MAP1B: variants seen among roughly 807,000 people sequenced by gnomAD.
MAP1B encodes microtubule associated protein 1B.
MAP1B carries 12 observed loss-of-function variants against 176.1 expected under a neutral mutation model. The ratio of observed to expected loss-of-function variants is 0.07; its 90% CI spans 0.04 to 0.11. The LOEUF (loss-of-function observed/expected upper bound fraction) is 0.11. Ranked by LOEUF, MAP1B falls within the 10% of genes least tolerant of loss-of-function variation. The pLI is 1.00. For missense variants in MAP1B, 2,523 were observed against 2,990.5 expected, an observed-to-expected ratio of 0.84 and a Z score of 3.65; for synonymous variants, 1,044 against 1,135.0, an observed-to-expected ratio of 0.92 and a Z score of 1.61.
intron 2 of MAP1B, among the ~76,000 whole-genome samples, chr5:72,141,470 C>G (rs1579992122): frequency 1.3e-5 from 2 of 152,360 alleles, no homozygotes; most frequent in South Asian, 2.1e-4. Flanking sequence ...AGCCCTGTCT[C>G]TGGACTGAAT....
chr5:72,172,974 T>C (rs74721700), intron 2 of MAP1B, among the ~76,000 whole-genome samples: 5,837 of 152,234 alleles, frequency 0.038, 216 homozygotes, highest in African/African-American at 0.084. Context: ...TAGAATAGCT[T>C]ATTAGTTGAA....
At chr5:72,116,467 A>G (rs770883077) in intron 2 of MAP1B, 1 of 417,354 alleles carries the variant, frequency 2.4e-6, no homozygotes, top group Non-Finnish European at 4.6e-6. Context: ...AGGATGCAAA[A>G]ATTTGTCATA....
chr5:72,181,638 G>C (rs1167682916), intron 2 of MAP1B, among the ~76,000 whole-genome samples: 6 of 151,766 alleles, frequency 4.0e-5, no homozygotes, highest in Non-Finnish European at 5.9e-5. Context: ...GCTCACTGCA[G>C]CCTCGACCTT....
chr5:72,159,927 G>T (rs3098388), intron 2 of MAP1B, among the ~76,000 whole-genome samples: 2,048 of 152,048 alleles, frequency 0.013, 56 homozygotes, highest in African/African-American at 0.046. Flanking sequence ...TAAAGAGTGG[G>T]GGCTTCATCA....
chr5:72,138,625 C>T (rs1340914517), intron 2 of MAP1B, among the ~76,000 whole-genome samples: 1 of 152,164 alleles, frequency 6.6e-6, no homozygotes, highest in Non-Finnish European at 1.5e-5. Flanking sequence ...ACCTGAAGTT[C>T]TCAACAATAG....
chr5:72,157,175 C>A (rs989847871), intron 2 of MAP1B, among the ~76,000 whole-genome samples: 5 of 152,242 alleles, frequency 3.3e-5, no homozygotes, highest in Non-Finnish European at 7.4e-5. Flanking sequence ...CAGTGCATTT[C>A]TTTTATATCT....
At chr5:72,152,520 C>T (rs900824679) in intron 2 of MAP1B, among the ~76,000 whole-genome samples, 1 of 152,160 alleles carries the variant, frequency 6.6e-6, no homozygotes, top group African/African-American at 2.4e-5. Flanking sequence ...AATCTCGGCC[C>T]ACTGCAACCT....
chr5:72,125,260 CA>C (rs1392642935), intron 2 of MAP1B, among the ~76,000 whole-genome samples: 1 of 152,104 alleles, frequency 6.6e-6, no homozygotes, highest in Admixed American at 6.5e-5. Context: ...GAAGTTCCAG[CA>C]GCCCCACAAG....
Position 72,208,707 on chromosome 5 carries a change from A to G in MAP1B, c.*3468A>G, listed in dbSNP as rs1180595859. ...TTATGCAGTCTAGGAGCTTTCCAATACTCATTTAATTAAGATTTAATCATT... is the reference window on the plus strand; with the variant it reads ...TTATGCAGTCTAGGAGCTTTCCAATGCTCATTTAATTAAGATTTAATCATT... On this transcript the variant is annotated 3_prime_UTR_variant, in exon 7 of 7. Coordinates refer to ENST00000296755, the MANE Select transcript of MAP1B (RefSeq NM_005909.5). 6.6e-6 allele frequency: 1 copy of G among 152,034 alleles called. No individual in the cohort carries two copies. Among genetic ancestry groups the G allele is most frequent in the Non-Finnish European group, 1.5e-5 (1 of 68,020 alleles). 9.4% of individuals were successfully genotyped at this position (152,034 alleles called of 1,614,324 possible). A position where few individuals can be genotyped will look rare whatever the true frequency, so the allele number is the denominator to read the frequency against.
intron 2 of MAP1B, among the ~76,000 whole-genome samples, chr5:72,166,904 G>A (rs1292550628): frequency 6.6e-6 from 1 of 152,192 alleles, no homozygotes; most frequent in African/African-American, 2.4e-5. Flanking sequence ...GGGCAGGACG[G>A]GGCAGTCCAG....
At position 72,198,483 on chromosome 5, in the gene MAP1B, T is replaced by C. The variant is rs747229477; in HGVS notation, c.5128T>C (p.Ser1710Pro). The change falls in exon 5 of 7, where the codon TCC becomes CCC. Residue 1710 changes from serine to proline, a missense_variant. Ser to Pro is a moderately conservative substitution (Grantham distance 74). Around this residue, in one of 4 missense-constraint regions of MAP1B, gnomAD observed 1,925 missense variants for 2,126.0 expected, o/e 0.91. Transcript: ENST00000296755. ...TAAGATACCACCTATGGAGGAGCCGTCCTACACCCAAGATAATGATCTTTC... is the reference window on the plus strand; with the variant it reads ...TAAGATACCACCTATGGAGGAGCCGCCCTACACCCAAGATAATGATCTTTC... ...SHKIPPMEEP[S>P]YTQDNDLSEL... 24 of 1,613,846 alleles carry C rather than the reference T, an allele frequency of 1.5e-5. No homozygotes were observed. In the East Asian group the frequency reaches 5.3e-4, roughly 36 times the overall value.
chr5:72,162,763 G>A (rs1746350707), intron 2 of MAP1B, among the ~76,000 whole-genome samples: 1 of 152,082 alleles, frequency 6.6e-6, no homozygotes, highest in Admixed American at 6.5e-5. Flanking sequence ...CTTCCACTTT[G>A]AGTCCTTTAA....
At chr5:72,167,842 T>A (rs964888324) in intron 2 of MAP1B, among the ~76,000 whole-genome samples, 1 of 152,222 alleles carries the variant, frequency 6.6e-6, no homozygotes, top group Non-Finnish European at 1.5e-5. Flanking sequence ...AAACAGGAAC[T>A]TTTATAATGA....
chr5:72,126,219 G>T (rs1401253783), intron 2 of MAP1B, among the ~76,000 whole-genome samples: 7 of 152,134 alleles, frequency 4.6e-5, no homozygotes, highest in African/African-American at 1.7e-4. Flanking sequence ...AGCAGCTCTG[G>T]GCCACACCTG....
Position 72,203,644 on chromosome 5 carries a change from A to T in MAP1B, c.7094A>T (p.Asn2365Ile). The change falls in exon 6 of 7, where the codon AAC becomes ATC. Residue 2365 changes from asparagine to isoleucine, a missense_variant. Asn to Ile is a moderately radical substitution (Grantham distance 149). Coordinates refer to ENST00000296755, the MANE Select transcript of MAP1B (RefSeq NM_005909.5). The stretch of plus-strand genomic sequence containing the variant: ...TATTTGGACCTGTGCTACATTCCTA[A>T]CCACAGCAATAGTAAGAATGTTGAT... The part of the protein sequence containing the change: ...PVYLDLCYIP[N>I]HSNSKNVDVE... 1 of 1,614,132 alleles carries T rather than the reference A, an allele frequency of 6.2e-7. No homozygotes were observed. The highest frequency in any genetic ancestry group is 8.5e-7 in the Non-Finnish European group (1 of 1,180,014).
At chr5:72,201,227 CTGGGTGTGGTGGCACGTGCTTATA>C (rs1237364041) in intron 5 of MAP1B, among the ~76,000 whole-genome samples, 4 of 81,520 alleles carry the variant, frequency 4.9e-5, no homozygotes, top group Admixed American at 2.3e-4. Context: ...TTTTAATTAG[CTGGGTGTGGTGGCACGTGCTTATA>C]GTCTTAGCTA....
Position 72,196,764 on chromosome 5 carries a change from T to C in MAP1B, c.3409T>C (p.Ser1137Pro). ...SSEPTPMDEM[S>P]TPRDVMSDET... ...TGAGCCCACCCCCATGGATGAGATG[T>C]CTACCCCTCGAGACGTGATGAGTGA... is the stretch of plus-strand genomic sequence containing the variant. The change falls in exon 5 of 7, where the codon TCT (serine) becomes CCT (proline). Residue 1137 changes from serine to proline, a missense_variant. Ser to Pro is a moderately conservative substitution (Grantham distance 74, BLOSUM62 -1). This residue lies in a region of MAP1B where 1,925 missense variants were observed against 2,126.0 expected (regional missense o/e 0.91). Transcript: ENST00000296755. The surrounding 1 kb of genome is among the most constrained non-coding windows in gnomAD (Gnocchi z 5.3). The C allele has an allele frequency of 6.2e-7, 1 of 1,614,096 alleles. No individual in the cohort carries two copies.
At chr5:72,128,411 A>T (rs917154849) in intron 2 of MAP1B, among the ~76,000 whole-genome samples, 1 of 148,262 alleles carries the variant, frequency 6.7e-6, no homozygotes, top group African/African-American at 2.5e-5. Context: ...ATTGTTTTAA[A>T]AAAAAAAAAA....
chr5:72,182,367 A>G (rs1314313926), intron 2 of MAP1B, among the ~76,000 whole-genome samples: 1 of 152,170 alleles, frequency 6.6e-6, no homozygotes, highest in African/African-American at 2.4e-5. Context: ...CATTTAGCAT[A>G]ATGTTTCCTA....
Sources: gnomAD v4.1 joint callset for allele counts (sites outside exome capture counted in the v4.1 genomes callset) on GRCh38, gnomAD v4.1.1 for gene constraint, gnomAD v4.1.1 regional missense constraint, Gnocchi (gnomAD v3.1) non-coding constraint, MANE v1.5 for transcripts, NCBI Gene and HGNC (gene_info 2026-07-23, HGNC 2026-07-21) for gene names.